Variants in CNTNAP2 observed in about 807,000 individuals in gnomAD.
The protein encoded by CNTNAP2 is contactin associated protein 2.
In CNTNAP2, 98 loss-of-function variants were observed where a neutral mutation model predicts 155.2. The observed-to-expected ratio is 0.63, with a 90% CI of 0.54 to 0.75. CNTNAP2 has a LOEUF of 0.75. Among genes scored for constraint, CNTNAP2 ranks in the 30% least tolerant of loss-of-function variants. CNTNAP2 has a pLI of 0.00. For synonymous variants in CNTNAP2, 651 were observed against 631.2 expected, an observed-to-expected ratio of 1.03 and a Z score of -0.47; for missense variants, 1,727 against 1,688.1, an observed-to-expected ratio of 1.02 and a Z score of -0.40.
intron 21 of CNTNAP2, among the ~76,000 whole-genome samples, chr7:148,293,083 T>G (rs201125800): frequency 6.7e-6 from 1 of 150,234 alleles, no homozygotes; most frequent in African/African-American, 2.4e-5. Context: ...ATAAATAAAA[T>G]AAAATAAAAT....
intron 15 of CNTNAP2, among the ~76,000 whole-genome samples, chr7:148,083,233 C>A (rs1010284455): frequency 1.3e-5 from 2 of 152,074 alleles, no homozygotes; most frequent in Non-Finnish European, 2.9e-5. Flanking sequence ...GGAAGACGCT[C>A]AAAAATAATG....
chr7:147,487,845 A>G (rs1304712173), intron 11 of CNTNAP2, among the ~76,000 whole-genome samples: 1 of 152,170 alleles, frequency 6.6e-6, no homozygotes, highest in Non-Finnish European at 1.5e-5. Flanking sequence ...GTAAAAGACA[A>G]AAATTGTCTT....
chr7:147,295,187 C>T (rs1584852749), intron 8 of CNTNAP2, among the ~76,000 whole-genome samples: 2 of 152,076 alleles, frequency 1.3e-5, no homozygotes, highest in Non-Finnish European at 2.9e-5. Context: ...TGGCTATCCC[C>T]AGAAACTGAG....
chr7:147,778,090 G>T (rs1348747290), intron 13 of CNTNAP2, among the ~76,000 whole-genome samples: 1 of 152,142 alleles, frequency 6.6e-6, no homozygotes, highest in South Asian at 2.1e-4. Flanking sequence ...GGAGCTTCCA[G>T]AATACCTTCA....
chr7:148,035,726 C>A (rs146996470), intron 15 of CNTNAP2, among the ~76,000 whole-genome samples: 2 of 152,082 alleles, frequency 1.3e-5, no homozygotes, highest in South Asian at 2.1e-4. Context: ...TAGGGCAAAC[C>A]CCACAACCCT....
chr7:146,840,878 G>A (rs578204823), intron 3 of CNTNAP2, among the ~76,000 whole-genome samples: 131 of 152,276 alleles, frequency 8.6e-4, no homozygotes, highest in African/African-American at 3.0e-3. Flanking sequence ...TAAAAAATGT[G>A]TCTACTTAAG....
intron 3 of CNTNAP2, among the ~76,000 whole-genome samples, chr7:146,842,867 A>G (rs1326656674): frequency 2.0e-5 from 3 of 149,524 alleles, no homozygotes; most frequent in East Asian, 2.0e-4. Flanking sequence ...TTGTATTTTT[A>G]GTAGAGACGG....
At position 148,419,982 on chromosome 7, in the gene CNTNAP2, A is replaced by G. The variant is rs565303349; in HGVS notation, c.*4366A>G. ...AACCCTTATATAAAGACTGAAGTCA[A>G]CGGAGCCTAGTGAAAGACTTACTTT... On this transcript the variant is annotated 3_prime_UTR_variant, in exon 24 of 24. Coordinates refer to ENST00000361727, the MANE Select transcript of CNTNAP2 (RefSeq NM_014141.6). 1.9e-4 allele frequency: 29 copies of G among 152,358 alleles called. No individual in the cohort carries two copies. Among genetic ancestry groups the G allele is most frequent in the African/African-American group, 6.3e-4 (26 of 41,586 alleles). The allele number at this position is 152,358 out of a possible 1,614,324, so 9.4% of individuals were successfully genotyped here.
intron 1 of CNTNAP2, among the ~76,000 whole-genome samples, chr7:146,400,041 T>G (rs1421196707): frequency 3.9e-5 from 6 of 152,136 alleles, no homozygotes; most frequent in African/African-American, 1.4e-4. Flanking sequence ...AGTCCAGTTT[T>G]GGTAAGAGAA....
At chr7:146,215,799 G>C (rs1584806359) in intron 1 of CNTNAP2, among the ~76,000 whole-genome samples, 1 of 152,152 alleles carries the variant, frequency 6.6e-6, no homozygotes, top group African/African-American at 2.4e-5. Context: ...GACAAGGAAG[G>C]CCAGAGGGGT....
intron 14 of CNTNAP2, among the ~76,000 whole-genome samples, chr7:147,970,824 G>T (rs186968006): frequency 6.6e-6 from 1 of 152,260 alleles, no homozygotes; most frequent in African/African-American, 2.4e-5. Flanking sequence ...ATCTAGTTTG[G>T]AAAAGTGACA....
chr7:147,460,539 T>C, intron 10 of CNTNAP2, among the ~76,000 whole-genome samples: 1 of 152,130 alleles, frequency 6.6e-6, no homozygotes, highest in Non-Finnish European at 1.5e-5. Context: ...TACCATCTGG[T>C]TTAGACTTCC....
chr7:148,055,641 CA>C (rs1343930031), intron 15 of CNTNAP2, among the ~76,000 whole-genome samples: 7 of 152,152 alleles, frequency 4.6e-5, no homozygotes, highest in Non-Finnish European at 7.3e-5. Flanking sequence ...TTTATAAAGA[CA>C]AAGGATAAAT....
intron 13 of CNTNAP2, among the ~76,000 whole-genome samples, chr7:147,747,886 T>G (rs1797070664): frequency 1.3e-5 from 2 of 152,216 alleles, no homozygotes; most frequent in Non-Finnish European, 2.9e-5. Flanking sequence ...GAGCAATTAA[T>G]TACTGTGTTG....
chr7:147,486,881 G>A (rs1476592858), intron 11 of CNTNAP2, among the ~76,000 whole-genome samples: 2 of 135,198 alleles, frequency 1.5e-5, no homozygotes, highest in East Asian at 2.3e-4. Flanking sequence ...GTGTGCATAC[G>A]TATGTGCCTG....
rs531160204 is a variant in CNTNAP2, at chr7:146,755,536, A to G, written c.98-18735A>G. The stretch of plus-strand genomic sequence containing the variant: ...TATGTCACCTCCAGGATAACTTGTC[A>G]AGTGCATTTTCATATTATGTTTCAA... On this transcript the variant is annotated intron_variant, in intron 1 of 23. Transcript: ENST00000361727. Among the ~76,000 whole-genome samples, 41 of 152,120 alleles carry G rather than the reference A, an allele frequency of 2.7e-4. 1 individual carries two copies. In the South Asian group the frequency reaches 5.4e-3, roughly 20 times the overall value.
At chr7:147,774,653 A>G (rs1797530321) in intron 13 of CNTNAP2, among the ~76,000 whole-genome samples, 1 of 152,186 alleles carries the variant, frequency 6.6e-6, no homozygotes, top group African/African-American at 2.4e-5. Context: ...CCATGTGAGG[A>G]CACAGCAAGA....
chr7:146,830,206 T>C (rs73459348), intron 2 of CNTNAP2, among the ~76,000 whole-genome samples: 5,306 of 152,174 alleles, frequency 0.035, 308 homozygotes, highest in African/African-American at 0.12. Context: ...AAAAAGATGC[T>C]GTATGTTCTC....
rs547544495 is a variant in CNTNAP2 at position 146,339,308 on chromosome 7, A to G, written c.97+222335A>G. On this transcript the variant is annotated intron_variant, in intron 1 of 23. Transcript: ENST00000361727. ...TTACATACACAGGGCTTGCAGAGGAATAAATTCTGCTTTTAAATTTTCTAT... is the reference window on the plus strand; with the variant it reads ...TTACATACACAGGGCTTGCAGAGGAGTAAATTCTGCTTTTAAATTTTCTAT... Among the ~76,000 whole-genome samples, 12 of 152,298 alleles carry G rather than the reference A, an allele frequency of 7.9e-5. No homozygotes were observed. In the South Asian group the frequency reaches 2.3e-3, roughly 29 times the overall value.
Sources: allele counts gnomAD v4.1 joint callset (sites outside exome capture counted in the v4.1 genomes callset), GRCh38; gene constraint gnomAD v4.1.1; transcripts MANE v1.5; gene names NCBI Gene and HGNC (gene_info 2026-07-23, HGNC 2026-07-21).